Variants in PTPN5 observed in about 807,000 individuals in gnomAD.
PTPN5 encodes the protein tyrosine-protein phosphatase non-receptor type 5.
In PTPN5, 29 loss-of-function variants were observed where a neutral mutation model predicts 73.9. That is an observed-to-expected ratio of 0.39 (90% confidence interval 0.29 to 0.54). The LOEUF is 0.54. PTPN5 is among the 20% of genes least tolerant of loss of function. The probability of loss-of-function intolerance (pLI) is 0.65; values close to 1 mark genes in which losing one functional copy is unlikely to be tolerated. For missense variants in PTPN5, 652 were observed against 751.4 expected (o/e 0.87, Z 1.55); for synonymous variants, 267 against 304.7 (o/e 0.88, Z 1.29).
In PTPN5 at chr11:18,733,474, G is replaced by A. The variant is rs1490291397; in HGVS notation, c.1080+82C>T. ...ACAGGAGCTGGCAGGAGCCAGACTG[G>A]TGTAGGGACAAGGCTGGAGGATGGA... On this transcript the variant is annotated intron_variant, in intron 10 of 14. Coordinates refer to ENST00000358540, the MANE Select transcript of PTPN5 (RefSeq NM_006906.2). This position sits in a 1 kb window ranked among gnomAD's most constrained non-coding sequence, Gnocchi z 4.3. 1.9e-6 allele frequency: 3 copies of A among 1,612,256 alleles called. No homozygotes were observed. The highest frequency in any genetic ancestry group is 2.5e-6 in the Non-Finnish European group (3 of 1,178,746).
chr11:18,772,046 A>G lies in PTPN5; in HGVS notation c.-88T>C. ...AGCAAGCTGGTGATATAAATGAAGG[A>G]GAGAGGGCAGCTTCAGATCATCCAG... On this transcript the variant is annotated 5_prime_UTR_variant, in exon 2 of 15. Coordinates refer to ENST00000358540, the MANE Select transcript of PTPN5 (RefSeq NM_006906.2). 4.0e-6 allele frequency: 4 copies of G among 997,442 alleles called. No homozygotes were observed. The South Asian group carries it at 6.5e-5, about 16-fold the overall frequency. 61.8% of individuals were successfully genotyped at this position (997,442 alleles called of 1,614,324 possible).
At position 18,744,089 on chromosome 11, in the gene PTPN5, G is replaced by A; in HGVS notation, c.208C>T (p.Gln70Ter). Residue 70 changes from glutamine (Q) to a stop codon, truncating the protein, a stop_gained, in exon 4 of 15, where the codon CAG becomes TAG. Transcript: ENST00000358540. LOFTEE classifies it high-confidence loss of function. ...CCAGCGCCTCGAGGTGGTGGCTTCT[G>A]AGCTGGATCTGAGGGCGGCGAGGGA... ...PPPSPPSDPAQKPPPRGAGSH... is the reference protein window; with the variant it reads ...PPPSPPSDPA The A allele has an allele frequency of 6.2e-7, 1 of 1,611,994 alleles. No individual in the cohort carries two copies. The highest frequency in any genetic ancestry group is 8.5e-7 in the Non-Finnish European group (1 of 1,179,112).
intron 2 of PTPN5, among the ~76,000 whole-genome samples, chr11:18,768,273 A>T (rs7110942): frequency 0.82 from 124,092 of 152,184 alleles, 52,054 homozygotes; most frequent in South Asian, 0.94. Flanking sequence ...AAGTCAGAGA[A>T]TCACAGATCT....
intron 1 of PTPN5, among the ~76,000 whole-genome samples, chr11:18,775,108 G>C (rs1851084343): frequency 6.6e-6 from 1 of 152,208 alleles, no homozygotes; most frequent in South Asian, 2.1e-4. Flanking sequence ...AACGTTTCCT[G>C]CATTTTCTAA....
At chr11:18,752,060 G>A (rs575177049) in intron 3 of PTPN5, among the ~76,000 whole-genome samples, 3 of 152,206 alleles carry the variant, frequency 2.0e-5, no homozygotes, top group South Asian at 4.2e-4. Context: ...GTAAAACCCC[G>A]TCTCTACTAA....
chr11:18,762,923 C>T (rs1850466499), intron 3 of PTPN5, among the ~76,000 whole-genome samples: 1 of 152,174 alleles, frequency 6.6e-6, no homozygotes, highest in Non-Finnish European at 1.5e-5. Context: ...GAACTGTTTT[C>T]AGTTTGGATT....
At chr11:18,790,884 C>A (rs1282136176) in intron 1 of PTPN5, among the ~76,000 whole-genome samples, 2 of 152,186 alleles carry the variant, frequency 1.3e-5, no homozygotes, top group African/African-American at 4.8e-5. Context: ...TGAATAAGTT[C>A]CCAGGATTCG....
intron 9 of PTPN5, among the ~76,000 whole-genome samples, chr11:18,735,811 G>A (rs1215863934): frequency 6.6e-6 from 1 of 152,048 alleles, no homozygotes; most frequent in Non-Finnish European, 1.5e-5. Flanking sequence ...GGATTACGAG[G>A]GTGACAACAA....
Position 18,729,439 on chromosome 11 carries a change from G to C in PTPN5, c.1604+14C>G. The C allele has an allele frequency of 7.7e-7, 1 of 1,297,218 alleles. No individual in the cohort carries two copies. The allele number at this position is 1,297,218 out of a possible 1,614,324, so 80.4% of individuals were successfully genotyped here. On this transcript the variant is annotated intron_variant, in intron 14 of 14. Coordinates refer to ENST00000358540, the MANE Select transcript of PTPN5 (RefSeq NM_006906.2). This position sits in a 1 kb window ranked among gnomAD's most constrained non-coding sequence, Gnocchi z 5.2. The stretch of plus-strand genomic sequence containing the variant: ...AGCTCCCTTGTGTGTCCCCACTCCC[G>C]CCCGTGGGCTGACCTGTCCTGACGG...
intron 1 of PTPN5, among the ~76,000 whole-genome samples, chr11:18,775,500 C>T (rs1028059755): frequency 1.5e-4 from 23 of 152,174 alleles, no homozygotes; most frequent in Non-Finnish European, 1.9e-4. Flanking sequence ...AAGTCCTGCG[C>T]GGGACCACGA....
rs1849619303 is a variant in PTPN5 at position 18,746,175 on chromosome 11, A to ATATATATATG, written c.98-1977_98-1976insCATATATATA. Among the ~76,000 whole-genome samples, 3 of 105,542 alleles carry ATATATATATG rather than the reference A, an allele frequency of 2.8e-5. 1 individual carries two copies. Among genetic ancestry groups the ATATATATATG allele is most frequent in the Non-Finnish European group, 6.6e-5 (3 of 45,446 alleles). 69.2% of individuals were successfully genotyped at this position (105,542 alleles called of 152,430 possible). On this transcript the variant is annotated intron_variant, in intron 3 of 14. Transcript: ENST00000358540. The stretch of plus-strand genomic sequence containing the variant: ...GTTATAAATATAAATATATATATAT[A>ATATATATATG]TATATATATATATATATACATTTTT...
In PTPN5 at chr11:18,743,382, TG is replaced by T; in HGVS notation, c.338del (p.Ser113TyrfsTer12). ...AGGAGACGAGGTTTGTGGCGTTCTG[TG>T]ACCAGATGTGGCCATAACCGCTGAA... is the stretch of plus-strand genomic sequence containing the variant. ...LWFSGYGHIW[S>X]QNATNLVSSL... On this transcript the variant is annotated frameshift_variant, in exon 5 of 15. Transcript: ENST00000358540. LOFTEE classifies it high-confidence loss of function. The T allele has an allele frequency of 6.2e-7, 1 of 1,614,132 alleles. No homozygotes were observed. The highest frequency in any genetic ancestry group is 2.2e-5 in the East Asian group (1 of 44,860).
intron 1 of PTPN5, among the ~76,000 whole-genome samples, chr11:18,786,201 A>AT (rs57115676): frequency 1.4e-5 from 2 of 147,058 alleles, no homozygotes; most frequent in African/African-American, 2.5e-5. Context: ...GGGGGAATCT[A>AT]TTTTTTTTTT....
At position 18,743,987 on chromosome 11, in the gene PTPN5, A is replaced by G; in HGVS notation, c.291+19T>C. 1 of 1,570,546 alleles carries G rather than the reference A, an allele frequency of 6.4e-7. No individual in the cohort carries two copies. The highest frequency in any genetic ancestry group is 8.6e-7 in the Non-Finnish European group (1 of 1,164,586). The stretch of plus-strand genomic sequence containing the variant: ...CCCACCCTCTCTCCAGACCCTTGTG[A>G]GGCCTGTGCCATCCTTACCAGGAAC... On this transcript the variant is annotated intron_variant, in intron 4 of 14. Coordinates refer to ENST00000358540, the MANE Select transcript of PTPN5 (RefSeq NM_006906.2).
chr11:18,761,931 G>C (rs1031669609), intron 3 of PTPN5, among the ~76,000 whole-genome samples: 2 of 152,194 alleles, frequency 1.3e-5, no homozygotes, highest in African/African-American at 2.4e-5. Flanking sequence ...ACAGAGGCAG[G>C]CCACGTGCCC....
At chr11:18,776,842 T>G (rs1851181335) in intron 1 of PTPN5, among the ~76,000 whole-genome samples, 1 of 152,192 alleles carries the variant, frequency 6.6e-6, no homozygotes, top group South Asian at 2.1e-4. Flanking sequence ...GGGTAATGTT[T>G]GAGCATTTAC....
chr11:18,742,482 G>C lies in PTPN5; in HGVS notation c.505C>G (p.Pro169Ala). The C allele has an allele frequency of 6.2e-7, 1 of 1,613,674 alleles. No individual in the cohort carries two copies. Residue 169 changes from proline to alanine, a missense_variant, in exon 7 of 15, where the codon CCC becomes GCC. Around this residue, in one of 3 missense-constraint regions of PTPN5, gnomAD observed 529 missense variants for 573.9 expected, o/e 0.92. Transcript: ENST00000358540. This position sits in a 1 kb window ranked among gnomAD's most constrained non-coding sequence, Gnocchi z 4.1. The stretch of plus-strand genomic sequence containing the variant: ...GGCAGTGGGGTGGGTGGCTCTGGGG[G>C]TGTCCTCAGGAGGTGCCACACCTGG... ...TTLVWHLLRT[P>A]PEPPTPLPPE...
chr11:18,787,255 CTTTA>C (rs1012152019), intron 1 of PTPN5, among the ~76,000 whole-genome samples: 4 of 152,072 alleles, frequency 2.6e-5, no homozygotes, highest in African/African-American at 7.3e-5. Context: ...GGTATAATAT[CTTTA>C]TTTATTGGTT....
intron 8 of PTPN5, among the ~76,000 whole-genome samples, chr11:18,738,824 T>A (rs2134210035): frequency 6.6e-6 from 1 of 151,936 alleles, no homozygotes; most frequent in Non-Finnish European, 1.5e-5. Context: ...ATACAAAAAT[T>A]AGCTGGACCT....
Sources: gnomAD v4.1 joint callset for allele counts (sites outside exome capture counted in the v4.1 genomes callset) on GRCh38, gnomAD v4.1.1 for gene constraint, gnomAD v4.1.1 regional missense constraint, Gnocchi (gnomAD v3.1) non-coding constraint, MANE v1.5 for transcripts, NCBI Gene and HGNC (gene_info 2026-07-23, HGNC 2026-07-21) for gene names.